The following CTNNA2 variants were observed in gnomAD, a reference collection of about 807,000 sequenced individuals.
CTNNA2 encodes catenin alpha 2, also known as catenin alpha-2.
A neutral mutation model predicts 101.0 loss-of-function variants in CTNNA2; 42 were observed. The ratio of observed to expected loss-of-function variants is 0.42; its 90% CI spans 0.32 to 0.54. The LOEUF (loss-of-function observed/expected upper bound fraction) is 0.54. Among genes scored for constraint, CTNNA2 ranks in the 20% least tolerant of loss-of-function variants. The probability of loss-of-function intolerance (pLI) is 0.14; values close to 1 mark genes in which losing one functional copy is unlikely to be tolerated. For missense variants in CTNNA2, 871 were observed against 1,223.1 expected, an observed-to-expected ratio of 0.71 and a Z score of 4.29; for synonymous variants, 450 against 456.4, an observed-to-expected ratio of 0.99 and a Z score of 0.18.
At chr2:79,892,032 C>T (rs1335512943) in intron 6 of CTNNA2, among the ~76,000 whole-genome samples, 1 of 152,008 alleles carries the variant, frequency 6.6e-6, no homozygotes, top group Admixed American at 6.6e-5. Flanking sequence ...CCTTTATTAA[C>T]TATTGTTAAT....
chr2:79,232,540 A>G (rs1319406855), intron 2 of CTNNA2, among the ~76,000 whole-genome samples: 1 of 152,212 alleles, frequency 6.6e-6, no homozygotes, highest in East Asian at 1.9e-4. Context: ...TATCAGAATG[A>G]TGCTGGCTTT....
intron 7 of CTNNA2, among the ~76,000 whole-genome samples, chr2:80,038,083 T>C (rs1369206365): frequency 6.6e-6 from 1 of 152,020 alleles, no homozygotes; most frequent in Non-Finnish European, 1.5e-5. Flanking sequence ...AAAAACTGAC[T>C]CCTGATTCTC....
At chr2:80,333,706 A>T (rs920446913) in intron 7 of CTNNA2, among the ~76,000 whole-genome samples, 4 of 152,050 alleles carry the variant, frequency 2.6e-5, no homozygotes, top group African/African-American at 4.8e-5. Flanking sequence ...GCTCCCTGCA[A>T]TCTCTGCCTC....
At chr2:79,976,575 C>A (rs1690856670) in intron 7 of CTNNA2, among the ~76,000 whole-genome samples, 1 of 152,194 alleles carries the variant, frequency 6.6e-6, no homozygotes, top group South Asian at 2.1e-4. Context: ...TTGTTCCATA[C>A]ATTTAAGATT....
At chr2:79,416,995 C>T (rs980959820) in intron 4 of CTNNA2, among the ~76,000 whole-genome samples, 8 of 152,166 alleles carry the variant, frequency 5.3e-5, no homozygotes, top group African/African-American at 1.7e-4. Flanking sequence ...TTTCATGATG[C>T]CACAGGTATG....
intron 7 of CTNNA2, among the ~76,000 whole-genome samples, chr2:79,984,387 A>AT (rs761294178): frequency 6.6e-6 from 1 of 152,122 alleles, no homozygotes; most frequent in Non-Finnish European, 1.5e-5. Context: ...TCTCACTTCA[A>AT]TATTAAAAGA....
intron 2 of CTNNA2, among the ~76,000 whole-genome samples, chr2:79,704,121 T>G (rs2104771404): frequency 6.6e-6 from 1 of 152,326 alleles, no homozygotes; most frequent in African/African-American, 2.4e-5. Context: ...ATATTCATCA[T>G]TGTATTTTTA....
intron 1 of CTNNA2, among the ~76,000 whole-genome samples, chr2:79,587,439 A>G (rs1379601460): frequency 6.6e-6 from 1 of 151,762 alleles, no homozygotes; most frequent in Non-Finnish European, 1.5e-5. Flanking sequence ...GCCCTTAACC[A>G]CTGTGCTGAA....
chr2:79,750,865 C>CTG (rs1198804636), intron 3 of CTNNA2, among the ~76,000 whole-genome samples: 1 of 143,374 alleles, frequency 7.0e-6, no homozygotes, highest in Non-Finnish European at 1.5e-5. Flanking sequence ...GAGTGAGACT[C>CTG]TGTCTCAAAA....
intron 3 of CTNNA2, among the ~76,000 whole-genome samples, chr2:79,815,461 G>A (rs1269047688): frequency 6.7e-6 from 1 of 148,308 alleles, no homozygotes; most frequent in African/African-American, 2.5e-5. Flanking sequence ...GGTGAGAAAT[G>A]AGGATCCAGT....
intron 4 of CTNNA2, among the ~76,000 whole-genome samples, chr2:79,417,216 A>G (rs1281154663): frequency 6.6e-6 from 1 of 151,726 alleles, no homozygotes; most frequent in African/African-American, 2.4e-5. Context: ...GGAAGATTAG[A>G]ACAAAGCTTG....
chr2:79,993,350 A>AT (rs1425475341), intron 7 of CTNNA2, among the ~76,000 whole-genome samples: 1 of 151,964 alleles, frequency 6.6e-6, no homozygotes, highest in African/African-American at 2.4e-5. Context: ...CTCCCTCTCC[A>AT]TTTTTTGGGC....
At chr2:80,450,760 T>A (rs1265212779) in intron 9 of CTNNA2, among the ~76,000 whole-genome samples, 1 of 152,204 alleles carries the variant, frequency 6.6e-6, no homozygotes, top group African/African-American at 2.4e-5. Context: ...CAAAGTCTTC[T>A]TCTAAGAGCA....
chr2:80,468,292 G>C (rs1685019609), intron 9 of CTNNA2, among the ~76,000 whole-genome samples: 1 of 152,160 alleles, frequency 6.6e-6, no homozygotes. Context: ...ACCAAAAGCA[G>C]CAAAAGCCAT....
intron 2 of CTNNA2, among the ~76,000 whole-genome samples, chr2:79,694,235 C>G (rs1192641079): frequency 6.6e-6 from 1 of 151,842 alleles, no homozygotes; most frequent in Non-Finnish European, 1.5e-5. Context: ...GTTAGGAAAA[C>G]TATTCATAAC....
intron 9 of CTNNA2, among the ~76,000 whole-genome samples, chr2:80,478,030 T>C (rs68185392): frequency 0.42 from 63,762 of 151,932 alleles, 16,090 homozygotes; most frequent in African/African-American, 0.68. Flanking sequence ...AAGCATTCCC[T>C]TTGACTGCAT....
At position 80,094,310 on chromosome 2, in the gene CTNNA2, A is replaced by G. The variant is rs1699998630; in HGVS notation, c.1056+184513A>G. On this transcript the variant is annotated intron_variant, in intron 7 of 18. Transcript: ENST00000402739. ...TTCTCAGGTTTGTCAAAGATCAGAT[A>G]GTTGTAGATATGCGGCATTATTTCT... Among the ~76,000 whole-genome samples, 4 of 152,158 alleles carry G rather than the reference A, an allele frequency of 2.6e-5. No individual in the cohort carries two copies. The South Asian group carries it at 8.3e-4, about 32-fold the overall frequency.
chr2:79,700,662 C>T (rs1213665749), intron 2 of CTNNA2, among the ~76,000 whole-genome samples: 2 of 152,130 alleles, frequency 1.3e-5, no homozygotes, highest in East Asian at 3.9e-4. Context: ...CAATGCAAAG[C>T]ACCCCATGTT....
intron 17 of CTNNA2, among the ~76,000 whole-genome samples, chr2:80,610,501 T>G (rs754161802): frequency 4.6e-5 from 7 of 151,642 alleles, no homozygotes; most frequent in Non-Finnish European, 8.9e-5. Context: ...AAGAAATACT[T>G]AAATCTTCTT....
Sources: allele counts gnomAD v4.1 joint callset (sites outside exome capture counted in the v4.1 genomes callset), GRCh38; gene constraint gnomAD v4.1.1; transcripts MANE v1.5; gene names NCBI Gene and HGNC (gene_info 2026-07-23, HGNC 2026-07-21).